Variants in SPNS3 observed in about 807,000 individuals in gnomAD.
The protein encoded by SPNS3 is protein spinster homolog 3.
In SPNS3, 51 loss-of-function variants were observed where a neutral mutation model predicts 54.4. That is an observed-to-expected ratio of 0.94 (90% confidence interval 0.75 to 1.18). The LOEUF (loss-of-function observed/expected upper bound fraction) is 1.18. Ranked by LOEUF, SPNS3 falls within the 50% of genes most tolerant of loss-of-function variation. The probability of loss-of-function intolerance (pLI) is 0.00; values close to 1 mark genes in which losing one functional copy is unlikely to be tolerated. For synonymous variants in SPNS3, 309 were observed against 294.7 expected, an observed-to-expected ratio of 1.05 and a Z score of -0.50; for missense variants, 669 against 677.4, an observed-to-expected ratio of 0.99 and a Z score of 0.14.
chr17:4,471,861 T>C (rs1307870888), intron 8 of SPNS3, among the ~76,000 whole-genome samples: 2 of 122,468 alleles, frequency 1.6e-5, no homozygotes, highest in Non-Finnish European at 3.6e-5. Flanking sequence ...TTAGGTTGGA[T>C]TTTTTGTTTT....
chr17:4,487,888 G>C lies in SPNS3; in HGVS notation c.1533G>C (p.Glu511Asp), dbSNP rs770435598. 3 of 1,613,894 alleles carry C rather than the reference G, an allele frequency of 1.9e-6. No individual in the cohort carries two copies. The South Asian group carries it at 3.3e-5, about 18-fold the overall frequency. ...CGGGCGCTGGCGCCTCTACAGAGGA[G>C]CCCTGAGGTCCCTGCCTACACTCGT... Reference protein sequence around the residue: ...LLSGAGASTEEP With the variant: ...LLSGAGASTEDP Residue 511 changes from glutamate to aspartate, a missense_variant, in exon 12 of 12, where the codon GAG becomes GAC. By Grantham distance (45) the Glu-to-Asp change is conservative. Coordinates refer to ENST00000355530, the MANE Select transcript of SPNS3 (RefSeq NM_182538.5).
At chr17:4,441,171 C>T (rs149128591) in intron 2 of SPNS3, among the ~76,000 whole-genome samples, 102 of 152,310 alleles carry the variant, frequency 6.7e-4, no homozygotes, top group African/African-American at 2.3e-3. Flanking sequence ...GGGATAAGAA[C>T]ATTTTAATGT....
Position 4,477,166 on chromosome 17 carries a change from G to T in SPNS3, c.1114-1406G>T, listed in dbSNP as rs1033272712. Among the ~76,000 whole-genome samples, 26 of 152,360 alleles carry T rather than the reference G, an allele frequency of 1.7e-4. No homozygotes were observed. In the East Asian group the frequency reaches 4.4e-3, roughly 26 times the overall value. ...CACCATGCACAGGCCATCACGGCGT[G>T]GGGGGTGGGGGGCGCTCACCAGGAC... On this transcript the variant is annotated intron_variant, in intron 8 of 11. Coordinates refer to ENST00000355530, the MANE Select transcript of SPNS3 (RefSeq NM_182538.5).
intron 8 of SPNS3, among the ~76,000 whole-genome samples, chr17:4,464,442 G>A (rs1971624227): frequency 6.6e-6 from 1 of 152,126 alleles, no homozygotes; most frequent in Non-Finnish European, 1.5e-5. Context: ...TCCCCCCTTA[G>A]GTGGGCTTTG....
intron 8 of SPNS3, among the ~76,000 whole-genome samples, chr17:4,454,636 A>G (rs1475096629): frequency 1.6e-5 from 1 of 61,934 alleles, no homozygotes; most frequent in African/African-American, 6.7e-5. Flanking sequence ...TTTTTTTTTG[A>G]GACAGAGTCT....
At position 4,486,089 on chromosome 17, in the gene SPNS3, C is replaced by G. The variant is rs1972304153; in HGVS notation, c.1180-139C>G. ...GATGTTCTGGGGTGGGACTTTAGAC[C>G]TTGGGGACCGTCGACTCCCTCCCAT... On this transcript the variant is annotated intron_variant, in intron 9 of 11. Transcript: ENST00000355530. This position sits in a 1 kb window ranked among gnomAD's most constrained non-coding sequence, Gnocchi z 5.5. 6.0e-6 allele frequency: 4 copies of G among 662,212 alleles called. No individual in the cohort carries two copies. The highest frequency in any genetic ancestry group is 4.9e-5 in the South Asian group (2 of 40,968). The allele number at this position is 662,212 out of a possible 1,614,324, so 41.0% of individuals were successfully genotyped here.
At chr17:4,464,417 GCTGAACGTCGGCTATCCC>G (rs1971623320) in intron 8 of SPNS3, among the ~76,000 whole-genome samples, 1 of 152,198 alleles carries the variant, frequency 6.6e-6, no homozygotes, top group Admixed American at 6.5e-5. Context: ...GGAGGATGTG[GCTGAACGTCGGCTATCCC>G]CCCTTAGGTG....
chr17:4,467,258 G>A (rs78539221), intron 8 of SPNS3, among the ~76,000 whole-genome samples: 8,661 of 152,050 alleles, frequency 0.057, 311 homozygotes, highest in Middle Eastern at 0.13. Flanking sequence ...ACTGTCCAGC[G>A]CAGAGGTGAG....
chr17:4,452,758 C>T (rs1368464929), intron 7 of SPNS3, among the ~76,000 whole-genome samples: 1 of 151,644 alleles, frequency 6.6e-6, no homozygotes, highest in Admixed American at 6.6e-5. Context: ...CCCACATGGC[C>T]AGTGGGATCC....
chr17:4,471,081 C>T (rs556900625), intron 8 of SPNS3, among the ~76,000 whole-genome samples: 2 of 152,278 alleles, frequency 1.3e-5, no homozygotes, highest in African/African-American at 2.4e-5. Flanking sequence ...TGCGACACCA[C>T]GCCCAGCTAA....
intron 8 of SPNS3, among the ~76,000 whole-genome samples, chr17:4,468,865 T>A (rs916404211): frequency 6.6e-6 from 1 of 151,082 alleles, no homozygotes; most frequent in Non-Finnish European, 1.5e-5. Flanking sequence ...CTCAGCTCAC[T>A]GCAACCTCCA....
intron 8 of SPNS3, among the ~76,000 whole-genome samples, chr17:4,476,513 G>A (rs367728222): frequency 6.6e-6 from 1 of 152,222 alleles, no homozygotes; most frequent in African/African-American, 2.4e-5. Context: ...CAATGTGAAG[G>A]GGGGAGAGGC....
rs1468757697 is a variant in SPNS3, at chr17:4,449,519, T to A, written c.923+132T>A. 3 of 1,133,656 alleles carry A rather than the reference T, an allele frequency of 2.6e-6. No homozygotes were observed. In the African/African-American group the frequency reaches 4.8e-5, roughly 18 times the overall value. The allele number at this position is 1,133,656 out of a possible 1,614,324, so 70.2% of individuals were successfully genotyped here. On this transcript the variant is annotated intron_variant, in intron 7 of 11. Transcript: ENST00000355530. ...TGGTGCTGTGTGAAGACAGTGGAGC[T>A]CAGGACCCAGATGGCAGCAGGAGGC...
intron 9 of SPNS3, chr17:4,482,694 G>A (rs1040561435): frequency 1.3e-5 from 2 of 152,266 alleles, no homozygotes; most frequent in Non-Finnish European, 2.9e-5. Context: ...TGGAGACTGA[G>A]ATCGTGTCCC....
At chr17:4,442,319 G>A (rs1176811682) in intron 2 of SPNS3, among the ~76,000 whole-genome samples, 5 of 151,942 alleles carry the variant, frequency 3.3e-5, no homozygotes, top group African/African-American at 1.2e-4. Context: ...GATCACCTGA[G>A]GTCGGGAGTT....
chr17:4,439,728 G>T lies in SPNS3; in HGVS notation c.265+5G>T. The T allele has an allele frequency of 1.9e-6, 3 of 1,611,218 alleles. No individual in the cohort carries two copies. The highest frequency in any genetic ancestry group is 2.5e-6 in the Non-Finnish European group (3 of 1,178,796). ...ATGCTGGTTTGCTTCAGACTGGTAA[G>T]GAGGAGCCCTGGCTCTGGAGCCGGG... On this transcript the variant is annotated splice_donor_5th_base_variant and intron_variant, in intron 2 of 11. Coordinates refer to ENST00000355530, the MANE Select transcript of SPNS3 (RefSeq NM_182538.5).
At chr17:4,472,789 T>G (rs1356900805) in intron 8 of SPNS3, among the ~76,000 whole-genome samples, 1 of 127,910 alleles carries the variant, frequency 7.8e-6, no homozygotes, top group Non-Finnish European at 1.6e-5. Flanking sequence ...TTTTTTTTTT[T>G]TTTTTTTTTT....
chr17:4,445,257 C>A (rs1597306674), intron 3 of SPNS3, 89 bp downstream of exon 3: 1 of 1,344,044 alleles, frequency 7.4e-7, no homozygotes, highest in East Asian at 2.3e-5. Flanking sequence ...TGCGTGGGGA[C>A]AATTCTGCTC....
chr17:4,460,607 ATT>A (rs60134022), intron 8 of SPNS3, among the ~76,000 whole-genome samples: 14 of 121,602 alleles, frequency 1.2e-4, no homozygotes, highest in Admixed American at 3.3e-4. Context: ...AATTTTTTGT[ATT>A]TTTTTTTTTT....
Sources: allele counts gnomAD v4.1 joint callset (sites outside exome capture counted in the v4.1 genomes callset), GRCh38; gene constraint gnomAD v4.1.1; non-coding constraint Gnocchi (gnomAD v3.1); transcripts MANE v1.5; gene names NCBI Gene and HGNC (gene_info 2026-07-23, HGNC 2026-07-21).